Variants in KCNJ15 observed in about 807,000 individuals in gnomAD.
KCNJ15 encodes ATP-sensitive inward rectifier potassium channel 15.
A neutral mutation model predicts 23.0 loss-of-function variants in KCNJ15; 14 were observed. The ratio of observed to expected loss-of-function variants is 0.61; its 90% CI spans 0.40 to 0.95. KCNJ15 has a LOEUF of 0.95. Among genes scored for constraint, KCNJ15 ranks in the 40% least tolerant of loss-of-function variants. The pLI is 0.00. For synonymous variants in KCNJ15, 185 were observed against 183.2 expected, an observed-to-expected ratio of 1.01 and a Z score of -0.08; for missense variants, 388 against 461.8, an observed-to-expected ratio of 0.84 and a Z score of 1.46.
At position 38,300,348 on chromosome 21, in the gene KCNJ15, A is replaced by G; in HGVS notation, c.1087A>G (p.Arg363Gly). 1 of 1,613,996 alleles carries G rather than the reference A, an allele frequency of 6.2e-7. No homozygotes were observed. The highest frequency in any genetic ancestry group is 8.5e-7 in the Non-Finnish European group (1 of 1,179,898). ...EKYRQEDQRERELRTLLLQQS... is the reference protein window; with the variant it reads ...EKYRQEDQREGELRTLLLQQS... ...GTACAGGCAGGAGGATCAGAGGGAA[A>G]GAGAACTGAGGACACTTTTATTACA... The change falls in exon 3 of 3, where the codon AGA becomes GGA. Residue 363 changes from arginine to glycine, a missense_variant. Physicochemically the swap from Arg to Gly is moderately radical, Grantham distance 125. Transcript: ENST00000398938.
chr21:38,271,734 G>A (rs937673587), intron 1 of KCNJ15, among the ~76,000 whole-genome samples: 4 of 152,134 alleles, frequency 2.6e-5, no homozygotes, highest in African/African-American at 9.7e-5. Context: ...GCCAGACGTC[G>A]CCATCATTGT....
At chr21:38,256,626 A>T (rs1341994143), upstream of KCNJ15, 1 of 151,978 alleles carries the variant, frequency 6.6e-6, no homozygotes, top group Non-Finnish European at 1.5e-5. Flanking sequence ...TAATCTGGTT[A>T]TTTATTTATA....
At position 38,299,834 on chromosome 21, in the gene KCNJ15, G is replaced by A; in HGVS notation, c.573G>A (p.Gly191=). ...SHCAVITKQN[G]KLCLVIQVAN... Reference sequence around the variant, plus strand: ...GTGCAGTCATCACCAAGCAGAATGGGAAGCTGTGCTTGGTGATTCAGGTAG... The same window carrying A: ...GTGCAGTCATCACCAAGCAGAATGGAAAGCTGTGCTTGGTGATTCAGGTAG... Residue 191 remains glycine, a synonymous_variant, in exon 3 of 3, where the codon GGG becomes GGA. Coordinates refer to ENST00000398938, the MANE Select transcript of KCNJ15 (RefSeq NM_170736.3). The surrounding 1 kb of genome is among the most constrained non-coding windows in gnomAD (Gnocchi z 4.5). 1 of 1,614,050 alleles carries A rather than the reference G, an allele frequency of 6.2e-7. No homozygotes were observed. The highest frequency in any genetic ancestry group is 8.5e-7 in the Non-Finnish European group (1 of 1,179,998).
intron 1 of KCNJ15, among the ~76,000 whole-genome samples, chr21:38,260,771 A>G (rs771858087): frequency 6.6e-6 from 1 of 152,200 alleles, no homozygotes; most frequent in Non-Finnish European, 1.5e-5. Flanking sequence ...AGGACTGAGG[A>G]CCTACAGAGG....
intron 1 of KCNJ15, among the ~76,000 whole-genome samples, chr21:38,295,383 T>C (rs1372430119): frequency 2.0e-5 from 3 of 152,218 alleles, no homozygotes; most frequent in Non-Finnish European, 2.9e-5. Context: ...TTTTCCGAAA[T>C]AGACAATTCT....
rs1985702085 is a variant in KCNJ15, at chr21:38,300,664, G to C, written c.*275G>C. 2.8e-6 allele frequency: 1 copy of C among 356,810 alleles called. No homozygotes were observed. Among genetic ancestry groups the C allele is most frequent in the East Asian group, 5.2e-5 (1 of 19,228 alleles). 22.1% of individuals were successfully genotyped at this position (356,810 alleles called of 1,614,324 possible). A position where few individuals can be genotyped will look rare whatever the true frequency, so the allele number is the denominator to read the frequency against. Reference sequence around the variant, plus strand: ...TCTAAGAGCTTGGTGTAGGGCAATTGGAATAATGTCCTGTTAGATAAACAG... The same window carrying C: ...TCTAAGAGCTTGGTGTAGGGCAATTCGAATAATGTCCTGTTAGATAAACAG... On this transcript the variant is annotated 3_prime_UTR_variant, in exon 3 of 3. Transcript: ENST00000398938.
chr21:38,274,196 T>G (rs1003530679), intron 1 of KCNJ15, among the ~76,000 whole-genome samples: 1 of 152,198 alleles, frequency 6.6e-6, no homozygotes, highest in Non-Finnish European at 1.5e-5. Context: ...CGTGAACTAG[T>G]GTTCATGCTT....
At position 38,303,844 on chromosome 21, in the gene KCNJ15, C is replaced by T. The variant is rs1282290232; in HGVS notation, c.*3455C>T. The stretch of plus-strand genomic sequence containing the variant: ...TTTGCACTCTAGCATTATTCTGTCT[C>T]CCTTATTTGAGTCTTCAATATATAT... On this transcript the variant is annotated 3_prime_UTR_variant, in exon 3 of 3. Transcript: ENST00000398938. The T allele has an allele frequency of 6.6e-6, 1 of 152,084 alleles. No homozygotes were observed. Among genetic ancestry groups the T allele is most frequent in the African/African-American group, 2.4e-5 (1 of 41,398 alleles). The allele number at this position is 152,084 out of a possible 1,614,324, so 9.4% of individuals were successfully genotyped here. A position where few individuals can be genotyped will look rare whatever the true frequency, so the allele number is the denominator to read the frequency against.
chr21:38,258,805 A>G (rs1266709620), intron 1 of KCNJ15, among the ~76,000 whole-genome samples: 2 of 152,062 alleles, frequency 1.3e-5, no homozygotes, highest in Non-Finnish European at 2.9e-5. Flanking sequence ...TATTTCCCCA[A>G]TTTCCTCTCC....
At chr21:38,277,651 G>A (rs1209290467) in intron 1 of KCNJ15, among the ~76,000 whole-genome samples, 1 of 152,128 alleles carries the variant, frequency 6.6e-6, no homozygotes, top group East Asian at 1.9e-4. Flanking sequence ...GAGGGTCTGA[G>A]TCAGAACAGA....
intron 1 of KCNJ15, chr21:38,268,853 A>T (rs1981779202): frequency 6.6e-6 from 1 of 152,328 alleles, no homozygotes; most frequent in Non-Finnish European, 1.5e-5. Context: ...CCACTCCAGG[A>T]TGCCACCCTC....
intron 1 of KCNJ15, among the ~76,000 whole-genome samples, chr21:38,231,216 T>A (rs1988729108): frequency 6.6e-6 from 1 of 152,000 alleles, no homozygotes; most frequent in South Asian, 2.1e-4. Context: ...ATGTTATAAA[T>A]AAAATTGCTT....
chr21:38,253,216 C>G (rs1445845989), upstream of KCNJ15, among the ~76,000 whole-genome samples: 1 of 152,220 alleles, frequency 6.6e-6, no homozygotes, highest in Non-Finnish European at 1.5e-5. Context: ...GGGAGTACTA[C>G]TTTAATAAAT....
intron 1 of KCNJ15, chr21:38,272,632 C>T (rs1009843107): frequency 2.6e-5 from 4 of 152,170 alleles, no homozygotes; most frequent in African/African-American, 9.7e-5. Context: ...CCACCCAGAC[C>T]TTAAAGGAGA....
intron 1 of KCNJ15, among the ~76,000 whole-genome samples, chr21:38,293,418 C>T (rs1022828103): frequency 2.0e-5 from 3 of 152,284 alleles, no homozygotes; most frequent in African/African-American, 7.2e-5. Context: ...CCGCTACGCC[C>T]GGGCAGGGAA....
chr21:38,304,121 TTAAG>T lies in KCNJ15; in HGVS notation c.*3734_*3737del, dbSNP rs1247174349. 7 of 151,930 alleles carry T rather than the reference TTAAG, an allele frequency of 4.6e-5. No homozygotes were observed. In the East Asian group the frequency reaches 1.3e-3, roughly 29 times the overall value. 9.4% of individuals were successfully genotyped at this position (151,930 alleles called of 1,614,324 possible). A position where few individuals can be genotyped will look rare whatever the true frequency, so the allele number is the denominator to read the frequency against. On this transcript the variant is annotated 3_prime_UTR_variant, in exon 3 of 3. Transcript: ENST00000398938. The stretch of plus-strand genomic sequence containing the variant: ...TTTTTAATTTTATTATTATTATACT[TTAAG>T]TTTTAGGGTACATGTGCACAACGTG...
intron 1 of KCNJ15, among the ~76,000 whole-genome samples, chr21:38,247,540 GGATGGATGGATGGAT>G: frequency 6.6e-6 from 1 of 150,968 alleles, no homozygotes; most frequent in Non-Finnish European, 1.5e-5. Flanking sequence ...ATGGATGGAT[GGATGGATGGATGGAT>G]GGATGGATGG....
chr21:38,238,916 C>G (rs1487063583), intron 1 of KCNJ15, among the ~76,000 whole-genome samples: 1 of 152,154 alleles, frequency 6.6e-6, no homozygotes, highest in Non-Finnish European at 1.5e-5. Flanking sequence ...ATGTTGCTCC[C>G]TGCTTAAAAA....
At chr21:38,267,450 G>A (rs975155183) in intron 1 of KCNJ15, 3 of 152,184 alleles carry the variant, frequency 2.0e-5, no homozygotes. Flanking sequence ...ACAAGACCTT[G>A]GGGAATATAA....
Sources: allele counts gnomAD v4.1 joint callset (sites outside exome capture counted in the v4.1 genomes callset), GRCh38; gene constraint gnomAD v4.1.1; non-coding constraint Gnocchi (gnomAD v3.1); transcripts MANE v1.5; gene names NCBI Gene and HGNC (gene_info 2026-07-23, HGNC 2026-07-21).